The following DGKH variants were observed in gnomAD, a reference collection of about 807,000 sequenced individuals.
DGKH encodes diacylglycerol kinase eta, also known as DAG kinase eta.
DGKH carries 90 observed loss-of-function variants against 159.3 expected under a neutral mutation model. The observed-to-expected ratio is 0.57, with a 90% confidence interval of 0.48 to 0.67. The LOEUF (loss-of-function observed/expected upper bound fraction) is 0.67, where lower values mean the gene tolerates loss of function less well. DGKH is among the 30% of genes least tolerant of loss of function. The pLI is 0.00. For synonymous variants in DGKH, 536 were observed against 553.8 expected, an observed-to-expected ratio of 0.97 and a Z score of 0.45; for missense variants, 1,181 against 1,506.1, an observed-to-expected ratio of 0.78 and a Z score of 3.57.
chr13:42,069,689 C>A, intron 1 of DGKH: 2 of 1,178,422 alleles, frequency 1.7e-6, no homozygotes, highest in South Asian at 2.9e-5. Flanking sequence ...AGCTTGGGTT[C>A]ATAGTAACAG....
At position 42,230,661 on chromosome 13, in the gene DGKH, G is replaced by GATATATAC. The variant is rs1397359538; in HGVS notation, c.*1479_*1486dup. On this transcript the variant is annotated 3_prime_UTR_variant, in exon 30 of 30. Transcript: ENST00000337343. The stretch of plus-strand genomic sequence containing the variant: ...TGCTTAATAGATATATATACACACA[G>GATATATAC]ATATATACATATACACATATATGTG... 2 of 151,472 alleles carry GATATATAC rather than the reference G, an allele frequency of 1.3e-5. No homozygotes were observed. The highest frequency in any genetic ancestry group is 3.9e-4 in the East Asian group (2 of 5,136). 9.4% of individuals were successfully genotyped at this position (151,472 alleles called of 1,614,324 possible). A position where few individuals can be genotyped will look rare whatever the true frequency, so the allele number is the denominator to read the frequency against.
At chr13:42,254,917 T>C (rs1348638500) in intron 30 of DGKH, among the ~76,000 whole-genome samples, 1 of 151,756 alleles carries the variant, frequency 6.6e-6, no homozygotes, top group Non-Finnish European at 1.5e-5. Flanking sequence ...TGTGATGCTT[T>C]CATAGAAAAA....
chr13:42,210,726 T>TG lies in DGKH; in HGVS notation c.2976dup (p.Gln993AlafsTer13). 1 of 1,612,538 alleles carries TG rather than the reference T, an allele frequency of 6.2e-7. No homozygotes were observed. On this transcript the variant is annotated frameshift_variant, in exon 24 of 30. Transcript: ENST00000337343. LOFTEE classifies it high-confidence loss of function. ...TTGGCAACAGAAGAGGTGTCGCAGATGCAGCTATGCTCCCAGGCTGCAGAG... is the reference window on the plus strand; with the variant it reads ...TTGGCAACAGAAGAGGTGTCGCAGATGGCAGCTATGCTCCCAGGCTGCAGAG...
At chr13:42,118,591 T>G (rs900702847) in intron 1 of DGKH, among the ~76,000 whole-genome samples, 1 of 151,974 alleles carries the variant, frequency 6.6e-6, no homozygotes, top group Non-Finnish European at 1.5e-5. Context: ...AAGGTGGGAG[T>G]GGTGGCTTCT....
upstream of DGKH, among the ~76,000 whole-genome samples, chr13:42,048,389 C>T (rs1880950978): frequency 1.4e-5 from 2 of 146,662 alleles, no homozygotes; most frequent in Non-Finnish European, 3.0e-5. The surrounding 1 kb of genome is among the most constrained non-coding windows in gnomAD (Gnocchi z 6.7). Flanking sequence ...TCCTGCCTCC[C>T]CCACCCTCCT....
In DGKH at chr13:42,136,353, ATGAC is replaced by A. The variant is rs535326166; in HGVS notation, c.384+6724_384+6727del. Reference sequence around the variant, plus strand: ...CCACTTTTATCTCATATTAATAACTATGACTGGGAATAATAAATGAAATTATAAT... The same window carrying A: ...CCACTTTTATCTCATATTAATAACTATGGGAATAATAAATGAAATTATAAT... On this transcript the variant is annotated intron_variant, in intron 3 of 29. Transcript: ENST00000337343. Among the ~76,000 whole-genome samples, 713 of 152,346 alleles carry A rather than the reference ATGAC, an allele frequency of 4.7e-3. 1 individual carries two copies. The highest frequency in any genetic ancestry group is 0.012 in the Admixed American group (181 of 15,294).
intron 1 of DGKH, among the ~76,000 whole-genome samples, chr13:42,090,908 G>A (rs188827945): frequency 1.4e-3 from 218 of 152,188 alleles, no homozygotes; most frequent in Non-Finnish European, 2.3e-3. Flanking sequence ...CTCTTCTGCC[G>A]GTGAGGAGAC....
intron 1 of DGKH, among the ~76,000 whole-genome samples, chr13:42,085,206 C>T (rs967996183): frequency 2.0e-5 from 3 of 151,934 alleles, no homozygotes; most frequent in African/African-American, 7.3e-5. Flanking sequence ...ATAGGGCATG[C>T]GAAACCTCTT....
At position 42,178,377 on chromosome 13, in the gene DGKH, T is replaced by C. The variant is rs11843904; in HGVS notation, c.1538+157T>C. ...CTAAATTTGAATTGATTTTTAAAAA[T>C]CATGTTAGCATCTTATTTGCAGTGG... is the stretch of plus-strand genomic sequence containing the variant. On this transcript the variant is annotated intron_variant, in intron 13 of 29. Coordinates refer to ENST00000337343, the MANE Select transcript of DGKH (RefSeq NM_178009.5). 3.9e-4 allele frequency among the ~76,000 whole-genome samples: 59 copies of C among 152,350 alleles called. 1 individual carries two copies. The highest frequency in any genetic ancestry group is 1.4e-3 in the African/African-American group (59 of 41,580).
At chr13:42,080,363 A>G (rs1473223575) in intron 1 of DGKH, among the ~76,000 whole-genome samples, 3 of 152,272 alleles carry the variant, frequency 2.0e-5, no homozygotes, top group Admixed American at 2.0e-4. Context: ...TGTGGTTATG[A>G]GATGGATTTC....
At chr13:42,186,985 T>G in intron 13 of DGKH, 64 bp from the exon 14 acceptor site, 1 of 1,376,918 alleles carries the variant, frequency 7.3e-7, no homozygotes, top group South Asian at 1.2e-5. Flanking sequence ...TTTAAATATA[T>G]TCATAAATCA....
At chr13:42,089,234 C>T (rs1954368439) in intron 1 of DGKH, among the ~76,000 whole-genome samples, 1 of 152,176 alleles carries the variant, frequency 6.6e-6, no homozygotes, top group East Asian at 1.9e-4. Flanking sequence ...AGGATATTGA[C>T]TGGAACATCA....
intron 1 of DGKH, among the ~76,000 whole-genome samples, chr13:42,105,112 T>C (rs1954723173): frequency 6.6e-6 from 1 of 152,036 alleles, no homozygotes; most frequent in Non-Finnish European, 1.5e-5. Flanking sequence ...ATACCTGAGA[T>C]TGGATAATTT....
intron 30 of DGKH, among the ~76,000 whole-genome samples, chr13:42,254,442 GCCAACATGGTGATA>G (rs1348164448): frequency 6.6e-6 from 1 of 152,036 alleles, no homozygotes; most frequent in Non-Finnish European, 1.5e-5. Context: ...GACCAGCCTG[GCCAACATGGTGATA>G]CCCTGTCCCT....
chr13:42,066,065 T>G (rs1882549619), intron 1 of DGKH: 1 of 152,158 alleles, frequency 6.6e-6, no homozygotes, highest in Non-Finnish European at 1.5e-5. Flanking sequence ...GCCTGACTAA[T>G]TTTCTTGTAT....
intron 1 of DGKH, among the ~76,000 whole-genome samples, chr13:42,111,026 C>T (rs1332327235): frequency 6.6e-6 from 1 of 151,976 alleles, no homozygotes; most frequent in East Asian, 1.9e-4. Flanking sequence ...AACAAACCTG[C>T]ACATCCTGCA....
At position 42,235,429 on chromosome 13, in the gene DGKH, C is replaced by T. The variant is rs1370541246; in HGVS notation, c.*6241C>T. On this transcript the variant is annotated 3_prime_UTR_variant, in exon 30 of 30. Transcript: ENST00000337343. ...GAACTGCATTTCAAAAGTGAATTAA[C>T]CAAACCTAAAAAAAGGGTTACTTTT... 2.6e-5 allele frequency: 4 copies of T among 151,716 alleles called. No homozygotes were observed. Among genetic ancestry groups the T allele is most frequent in the Non-Finnish European group, 5.9e-5 (4 of 67,904 alleles). 9.4% of individuals were successfully genotyped at this position (151,716 alleles called of 1,614,324 possible). A position where few individuals can be genotyped will look rare whatever the true frequency, so the allele number is the denominator to read the frequency against.
At chr13:42,059,862 T>G (rs1356943706) in intron 1 of DGKH, among the ~76,000 whole-genome samples, 1 of 151,882 alleles carries the variant, frequency 6.6e-6, no homozygotes, top group Non-Finnish European at 1.5e-5. Flanking sequence ...TTCTCACATC[T>G]TCTCTTCTTT....
At chr13:42,105,905 C>T (rs536186476) in intron 1 of DGKH, among the ~76,000 whole-genome samples, 3 of 152,232 alleles carry the variant, frequency 2.0e-5, no homozygotes, top group Non-Finnish European at 4.4e-5. Flanking sequence ...CACTCAGTAA[C>T]TATGTTTAAT....
Sources: allele counts gnomAD v4.1 joint callset (sites outside exome capture counted in the v4.1 genomes callset), GRCh38; gene constraint gnomAD v4.1.1; non-coding constraint Gnocchi (gnomAD v3.1); transcripts MANE v1.5; gene names NCBI Gene and HGNC (gene_info 2026-07-23, HGNC 2026-07-21).